The following MAF variants were observed in gnomAD, a reference collection of about 807,000 sequenced individuals.
The protein encoded by MAF is MAF bZIP transcription factor.
MAF carries 10 observed loss-of-function variants against 22.0 expected under a neutral mutation model. That is an observed-to-expected ratio of 0.45 (90% CI 0.28 to 0.77). The LOEUF (loss-of-function observed/expected upper bound fraction) is 0.77, where lower values mean the gene tolerates loss of function less well. MAF is among the 30% of genes least tolerant of loss of function. The pLI, the probability that MAF is intolerant of heterozygous loss-of-function variation, is 0.12. For missense variants in MAF, 544 were observed against 548.4 expected (o/e 0.99, Z 0.08); for synonymous variants, 337 against 255.8 (o/e 1.32, Z -3.03).
At chr16:79,224,164 G>A in the MAF span, among the ~76,000 whole-genome samples, 3 of 152,158 alleles carry the variant, frequency 2.0e-5, no homozygotes, top group Admixed American at 1.3e-4. Flanking sequence ...TATGCACCAC[G>A]ATCGAGTCAG....
In MAF at chr16:79,599,471, GGCCCCGGCC is replaced by G; in HGVS notation, c.423_431del (p.Ala142_Ala144del). On this transcript the variant is annotated inframe_deletion, in exon 1 of 2. Transcript: ENST00000326043. ...TGCCGCCCAAGGAGGCGCCGGCACC[GGCCCCGGCC>G]GCCGCGGCCAGCTGCTGCGCCCCGC... 1 of 1,375,148 alleles carries G rather than the reference GGCCCCGGCC, an allele frequency of 7.3e-7. No individual in the cohort carries two copies. The highest frequency in any genetic ancestry group is 1.5e-5 in the African/African-American group (1 of 65,212). 85.2% of individuals were successfully genotyped at this position (1,375,148 alleles called of 1,614,324 possible).
the MAF span, among the ~76,000 whole-genome samples, chr16:79,507,187 C>T: frequency 1.3e-5 from 2 of 151,112 alleles, no homozygotes. Flanking sequence ...GATCTCGGCC[C>T]ACTGCAAGCT....
the MAF span, among the ~76,000 whole-genome samples, chr16:79,418,647 A>T: frequency 6.6e-6 from 1 of 152,058 alleles, no homozygotes; most frequent in African/African-American, 2.4e-5. Context: ...ATGCAACAGA[A>T]TTTTTTTCTC....
At chr16:79,318,305 T>C in the MAF span, among the ~76,000 whole-genome samples, 1 of 152,090 alleles carries the variant, frequency 6.6e-6, no homozygotes, top group Non-Finnish European at 1.5e-5. Context: ...TGCTAAATGG[T>C]AAGGAGCAAC....
chr16:79,217,108 TG>T, the MAF span, among the ~76,000 whole-genome samples: 1 of 152,202 alleles, frequency 6.6e-6, no homozygotes, highest in African/African-American at 2.4e-5. Context: ...TCGCACCCGG[TG>T]TCATCTGCTA....
the MAF span, among the ~76,000 whole-genome samples, chr16:79,411,403 C>T: frequency 4.4e-4 from 67 of 152,288 alleles, no homozygotes; most frequent in Middle Eastern, 0.01. Flanking sequence ...ATATCCATCC[C>T]CTGAACCTTT....
At chr16:79,287,570 C>T in the MAF span, among the ~76,000 whole-genome samples, 2,285 of 152,300 alleles carry the variant, frequency 0.015, 54 homozygotes, top group African/African-American at 0.052. Context: ...GGAGTGTCTA[C>T]GCAGGCCGGA....
the MAF span, among the ~76,000 whole-genome samples, chr16:79,372,945 T>C: frequency 6.6e-6 from 1 of 152,182 alleles, no homozygotes; most frequent in African/African-American, 2.4e-5. Context: ...CCCTTTGTTA[T>C]CTCCTACTCA....
At chr16:79,207,325 G>C in the MAF span, among the ~76,000 whole-genome samples, 1 of 152,244 alleles carries the variant, frequency 6.6e-6, no homozygotes, top group Non-Finnish European at 1.5e-5. Flanking sequence ...GGTTTGAAGA[G>C]GTATGTGTCT....
the MAF span, among the ~76,000 whole-genome samples, chr16:79,327,234 G>C: frequency 4.3e-4 from 65 of 152,348 alleles, no homozygotes; most frequent in East Asian, 7.7e-3. Flanking sequence ...CAGTTCGGTA[G>C]TGCCTGTGGT....
the MAF span, among the ~76,000 whole-genome samples, chr16:79,279,968 G>A: frequency 6.6e-6 from 1 of 152,160 alleles, no homozygotes. Context: ...GGCAATGGAA[G>A]TGTTCTCGAT....
At chr16:79,444,098 G>A in the MAF span, among the ~76,000 whole-genome samples, 1 of 152,078 alleles carries the variant, frequency 6.6e-6, no homozygotes, top group Non-Finnish European at 1.5e-5. Context: ...AGGTAATTAT[G>A]TAGGGAAAAA....
chr16:79,246,562 T>G, the MAF span, among the ~76,000 whole-genome samples: 1 of 149,272 alleles, frequency 6.7e-6, no homozygotes, highest in Non-Finnish European at 1.5e-5. Flanking sequence ...GGGGGTGTAT[T>G]TAAATATACT....
At chr16:79,325,422 C>T in the MAF span, among the ~76,000 whole-genome samples, 1 of 152,086 alleles carries the variant, frequency 6.6e-6, no homozygotes, top group East Asian at 1.9e-4. Flanking sequence ...TGATCATAAT[C>T]GTGTCTTTAC....
chr16:79,386,660 C>T, the MAF span, among the ~76,000 whole-genome samples: 1 of 151,982 alleles, frequency 6.6e-6, no homozygotes, highest in Non-Finnish European at 1.5e-5. Context: ...TATGTTATCG[C>T]AGATTGTAAA....
the MAF span, among the ~76,000 whole-genome samples, chr16:79,364,960 C>T: frequency 2.6e-5 from 4 of 152,122 alleles, no homozygotes; most frequent in African/African-American, 9.7e-5. Context: ...TGGTTCAGGG[C>T]ACCACTGAAG....
chr16:79,326,461 T>C, the MAF span, among the ~76,000 whole-genome samples: 1 of 152,244 alleles, frequency 6.6e-6, no homozygotes, highest in African/African-American at 2.4e-5. Context: ...ACAACACCTA[T>C]ATTTAATGAA....
the MAF span, among the ~76,000 whole-genome samples, chr16:79,459,499 T>C: frequency 2.6e-5 from 4 of 152,212 alleles, no homozygotes; most frequent in African/African-American, 9.6e-5. Flanking sequence ...TATCGTAAGC[T>C]TCAGAATACA....
At chr16:79,501,898 T>TA in the MAF span, among the ~76,000 whole-genome samples, 2 of 152,178 alleles carry the variant, frequency 1.3e-5, no homozygotes, top group Non-Finnish European at 2.9e-5. Context: ...GAACTCTGTA[T>TA]TTTTCCCCCG....
Sources: allele counts gnomAD v4.1 joint callset (sites outside exome capture counted in the v4.1 genomes callset), GRCh38; gene constraint gnomAD v4.1.1; transcripts MANE v1.5; gene names NCBI Gene and HGNC (gene_info 2026-07-23, HGNC 2026-07-21).